GSTO1: variants seen among roughly 807,000 people sequenced by gnomAD.
GSTO1 encodes the protein glutathione S-transferase omega 1.
In GSTO1, 27 loss-of-function variants were observed where a neutral mutation model predicts 23.8. The observed-to-expected ratio is 1.13, with a 90% CI of 0.83 to 1.56. The LOEUF is 1.56. GSTO1 is among the 40% of genes most tolerant of loss of function. The probability of loss-of-function intolerance (pLI) is 0.00; values close to 1 mark genes in which losing one functional copy is unlikely to be tolerated. For missense variants in GSTO1, 255 were observed against 285.8 expected (o/e 0.89, Z 0.78); for synonymous variants, 105 against 109.3 (o/e 0.96, Z 0.25).
chr10:104,258,402 A>G (rs1051979919), intron 2 of GSTO1, among the ~76,000 whole-genome samples: 3 of 152,236 alleles, frequency 2.0e-5, no homozygotes, highest in African/African-American at 4.8e-5. Context: ...ATGAGACTAC[A>G]GCAAACAAGC....
At chr10:104,259,487 C>A in intron 2 of GSTO1, 89 bp from the exon 3 acceptor site, 2 of 765,986 alleles carry the variant, frequency 2.6e-6, no homozygotes, top group Non-Finnish European at 4.4e-6. Context: ...GGGGTCTGAT[C>A]AGCTAAGTGG....
At chr10:104,257,465 G>A (rs1486131651) in intron 2 of GSTO1, among the ~76,000 whole-genome samples, 2 of 151,606 alleles carry the variant, frequency 1.3e-5, no homozygotes, top group African/African-American at 4.9e-5. Flanking sequence ...CTCAGCATCC[G>A]GAGTAGCCGA....
intron 3 of GSTO1, among the ~76,000 whole-genome samples, chr10:104,262,027 C>T (rs1246348390): frequency 6.7e-6 from 1 of 149,246 alleles, no homozygotes; most frequent in Admixed American, 6.6e-5. Flanking sequence ...GTGACCTAGG[C>T]TCTTCCTGTC....
chr10:104,256,543 T>C lies in GSTO1; in HGVS notation c.143+1272T>C, dbSNP rs1300113176. ...GGGGTAGAGGGGAGGAAGAGAGTGG[T>C]TAACAGCTTCCAGACAGTGCAAACA... On this transcript the variant is annotated intron_variant, in intron 2 of 5. Coordinates refer to ENST00000369713, the MANE Select transcript of GSTO1 (RefSeq NM_004832.3). 3.9e-5 allele frequency among the ~76,000 whole-genome samples: 6 copies of C among 152,230 alleles called. No homozygotes were observed. The East Asian group carries it at 9.6e-4, about 24-fold the overall frequency.
At chr10:104,265,959 C>A in intron 4 of GSTO1, 125 bp from the exon 5 acceptor site, 3 of 522,980 alleles carry the variant, frequency 5.7e-6, no homozygotes, top group East Asian at 3.0e-5. Flanking sequence ...AGAAAAAAAC[C>A]CAACTTGGAT....
intron 4 of GSTO1, among the ~76,000 whole-genome samples, chr10:104,264,921 T>C (rs917542284): frequency 6.6e-6 from 1 of 152,214 alleles, no homozygotes; most frequent in Admixed American, 6.5e-5. Flanking sequence ...CTTTAGAGCA[T>C]TGGTTGTTTA....
chr10:104,259,502 C>T (rs1219184588), intron 2 of GSTO1, 74 bp from the exon 3 acceptor site: 9 of 916,604 alleles, frequency 9.8e-6, no homozygotes, highest in Admixed American at 4.1e-5. Context: ...AAGTGGATGG[C>T]AAAGCCAGTG....
intron 4 of GSTO1, among the ~76,000 whole-genome samples, chr10:104,263,831 A>G (rs1448566141): frequency 6.6e-6 from 1 of 152,130 alleles, no homozygotes; most frequent in Non-Finnish European, 1.5e-5. Flanking sequence ...ATTTTATTGA[A>G]TGGTTTTTCT....
At chr10:104,261,236 GCTA>G (rs761561374) in intron 3 of GSTO1, among the ~76,000 whole-genome samples, 12 of 152,128 alleles carry the variant, frequency 7.9e-5, no homozygotes, top group Non-Finnish European at 1.8e-4. Flanking sequence ...CATGCATAAA[GCTA>G]CTACTTTAAA....
At chr10:104,262,541 A>G (rs922968972) in intron 3 of GSTO1, among the ~76,000 whole-genome samples, 1 of 152,020 alleles carries the variant, frequency 6.6e-6, no homozygotes, top group African/African-American at 2.4e-5. Context: ...GTGAATCCCC[A>G]TCTCTACTAA....
At chr10:104,261,424 A>G (rs1019704277) in intron 3 of GSTO1, among the ~76,000 whole-genome samples, 2 of 152,106 alleles carry the variant, frequency 1.3e-5, no homozygotes, top group Admixed American at 6.6e-5. Flanking sequence ...ACCCCACCCC[A>G]CACACCTGGG....
intron 2 of GSTO1, among the ~76,000 whole-genome samples, chr10:104,259,239 T>C (rs573543947): frequency 2.0e-5 from 3 of 152,344 alleles, no homozygotes; most frequent in East Asian, 3.9e-4. Context: ...ATAATGTCAA[T>C]GTCCATCAGC....
chr10:104,262,625 T>C (rs895822716), intron 3 of GSTO1, among the ~76,000 whole-genome samples: 5 of 152,144 alleles, frequency 3.3e-5, no homozygotes, highest in African/African-American at 9.6e-5. Flanking sequence ...GACAGGAGAA[T>C]TGCTTGAGCC....
intron 3 of GSTO1, among the ~76,000 whole-genome samples, 195 bp downstream of exon 3, chr10:104,259,993 C>T (rs117586988): frequency 1.3e-3 from 200 of 152,342 alleles, no homozygotes; most frequent in Non-Finnish European, 1.8e-3. Flanking sequence ...TCACTCGTCT[C>T]CTGACACTTT....
At chr10:104,261,721 G>T (rs1460457936) in intron 3 of GSTO1, among the ~76,000 whole-genome samples, 1 of 152,240 alleles carries the variant, frequency 6.6e-6, no homozygotes, top group East Asian at 1.9e-4. Flanking sequence ...AAAGCCTTCA[G>T]TCCCAGTGAA....
chr10:104,262,636 C>T (rs1319006325), intron 3 of GSTO1, among the ~76,000 whole-genome samples: 5 of 152,128 alleles, frequency 3.3e-5, no homozygotes, highest in Admixed American at 6.5e-5. Context: ...TGCTTGAGCC[C>T]GGGCAGTGGA....
intron 2 of GSTO1, among the ~76,000 whole-genome samples, chr10:104,256,531 G>A (rs1387341047): frequency 6.6e-6 from 1 of 152,162 alleles, no homozygotes; most frequent in African/African-American, 2.4e-5. Flanking sequence ...GTAGAGGGGA[G>A]GAAGAGAGTG....
chr10:104,257,516 T>G (rs973976514), intron 2 of GSTO1, among the ~76,000 whole-genome samples: 1 of 152,068 alleles, frequency 6.6e-6, no homozygotes, highest in Non-Finnish European at 1.5e-5. Flanking sequence ...AATTTTTATA[T>G]TTTTTGTAGA....
rs556040305 is a variant in GSTO1 at position 104,255,643 on chromosome 10, T to C, written c.143+372T>C. On this transcript the variant is annotated intron_variant, in intron 2 of 5. Coordinates refer to ENST00000369713, the MANE Select transcript of GSTO1 (RefSeq NM_004832.3). ...TCGCCCTATTGTGATTTCCCGTTCT[T>C]ATTCCAGCTTAACTGTTAGTTGTTA... 7.9e-5 allele frequency among the ~76,000 whole-genome samples: 12 copies of C among 152,370 alleles called. No homozygotes were observed. The South Asian group carries it at 2.5e-3, about 32-fold the overall frequency.
Sources: gnomAD v4.1 joint callset for allele counts (sites outside exome capture counted in the v4.1 genomes callset) on GRCh38, gnomAD v4.1.1 for gene constraint, MANE v1.5 for transcripts, NCBI Gene and HGNC (gene_info 2026-07-23, HGNC 2026-07-21) for gene names.